ZNF546: variants seen among roughly 807,000 people sequenced by gnomAD.
ZNF546 encodes the protein zinc finger protein 546.
Under a neutral mutation model 76.2 loss-of-function variants are expected in ZNF546, and 60 were observed. The observed-to-expected ratio is 0.79, with a 90% CI of 0.64 to 0.98. ZNF546 has a LOEUF of 0.98. Ranked by LOEUF, ZNF546 falls within the 50% of genes least tolerant of loss-of-function variation. The pLI is 0.00. For synonymous variants in ZNF546, 277 were observed against 328.1 expected, an observed-to-expected ratio of 0.84 and a Z score of 1.68; for missense variants, 936 against 1,035.6, an observed-to-expected ratio of 0.90 and a Z score of 1.32.
chr19:40,004,107 ATT>A lies in ZNF546; in HGVS notation c.85-1988_85-1987del, dbSNP rs1491135547. Among the ~76,000 whole-genome samples the A allele has an allele frequency of 2.8e-5, 4 of 140,936 alleles. No individual in the cohort carries two copies. The South Asian group carries it at 6.4e-4, about 22-fold the overall frequency. 92.5% of individuals were successfully genotyped at this position (140,936 alleles called of 152,430 possible). A position where few individuals can be genotyped will look rare whatever the true frequency, so the allele number is the denominator to read the frequency against. ...TAACTATATTAATATATAAATATAT[ATT>A]ATATATATAACTATATTAATATATA... On this transcript the variant is annotated intron_variant, in intron 3 of 6. Transcript: ENST00000347077.
chr19:40,014,284 T>C lies in ZNF546; in HGVS notation c.1014T>C (p.Phe338=). The C allele has an allele frequency of 6.2e-7, 1 of 1,614,106 alleles. No homozygotes were observed. The highest frequency in any genetic ancestry group is 8.5e-7 in the Non-Finnish European group (1 of 1,179,978). ...AATGTAAAGAATGTGGGAAGGCCTT[T>C]AGACTTCATTATCAACTAACTGAAC... The part of the protein sequence containing the change: ...PYECKECGKA[F]RLHYQLTEHQ... Residue 338 remains phenylalanine, a synonymous_variant, in exon 7 of 7, where the codon TTT becomes TTC. Transcript: ENST00000347077.
intron 3 of ZNF546, among the ~76,000 whole-genome samples, chr19:40,001,032 C>T (rs1365554520): frequency 6.6e-6 from 1 of 151,958 alleles, no homozygotes; most frequent in African/African-American, 2.4e-5. Context: ...ATTAGATTCT[C>T]ATAAGGAGCA....
At chr19:39,998,582 C>G in intron 3 of ZNF546, 172 bp downstream of exon 3, 1 of 567,520 alleles carries the variant, frequency 1.8e-6, no homozygotes. Flanking sequence ...TGATAATGGT[C>G]GCCTGCTTTT....
chr19:40,013,357 A>G (rs1013462655), intron 6 of ZNF546, among the ~76,000 whole-genome samples: 3 of 152,134 alleles, frequency 2.0e-5, no homozygotes, highest in Non-Finnish European at 4.4e-5. Context: ...TTCAGTGTCC[A>G]TAAGTCAAGT....
At position 40,020,628 on chromosome 19, in the gene ZNF546, T is replaced by G. The variant is rs1011999112; in HGVS notation, c.*4847T>G. 3.9e-5 allele frequency: 6 copies of G among 152,126 alleles called. No homozygotes were observed. The highest frequency in any genetic ancestry group is 1.4e-4 in the African/African-American group (6 of 41,440). The allele number at this position is 152,126 out of a possible 1,614,324, so 9.4% of individuals were successfully genotyped here. ...AAAGTGCTTATTATCAGGCTATCAA[T>G]CAAAAGATTTGAGTCTTTCAGTAAA... On this transcript the variant is annotated 3_prime_UTR_variant, in exon 7 of 7. Coordinates refer to ENST00000347077, the MANE Select transcript of ZNF546 (RefSeq NM_178544.5).
chr19:40,015,812 T>C lies in ZNF546; in HGVS notation c.*31T>C. 1 of 1,594,054 alleles carries C rather than the reference T, an allele frequency of 6.3e-7. No individual in the cohort carries two copies. Among genetic ancestry groups the C allele is most frequent in the East Asian group, 2.2e-5 (1 of 44,744 alleles). On this transcript the variant is annotated 3_prime_UTR_variant, in exon 7 of 7. Transcript: ENST00000347077. ...ATACGATGGCCTTTAGAAAATGCCC[T>C]TTAGCAGAGAATTTGTAATTTAAGA...
chr19:40,000,060 T>C (rs968581309), intron 3 of ZNF546, among the ~76,000 whole-genome samples: 3 of 152,216 alleles, frequency 2.0e-5, no homozygotes, highest in Admixed American at 6.5e-5. Flanking sequence ...CTTATAACTC[T>C]GTGCACATAG....
chr19:40,014,168 C>T lies in ZNF546; in HGVS notation c.898C>T (p.Pro300Ser). 2.5e-6 allele frequency: 4 copies of T among 1,613,752 alleles called. No homozygotes were observed. Among genetic ancestry groups the T allele is most frequent in the Admixed American group, 3.3e-5 (2 of 59,988 alleles). The change falls in exon 7 of 7, where the codon CCC becomes TCC. Residue 300 changes from proline to serine, a missense_variant. Transcript: ENST00000347077. ...TCAGAGAATACATTCTGGTGTGAAA[C>T]CCTACGAGTGTAAGGAATGTGGGAA... ...EHQRIHSGVKPYECKECGKAF... is the reference protein window; with the variant it reads ...EHQRIHSGVKSYECKECGKAF...
intron 1 of ZNF546, among the ~76,000 whole-genome samples, chr19:39,997,556 G>T (rs1055257051): frequency 6.6e-6 from 1 of 152,216 alleles, no homozygotes; most frequent in African/African-American, 2.4e-5. Flanking sequence ...TTGGCGATTG[G>T]ACTTTTGAAT....
In ZNF546 at chr19:40,008,477, C is replaced by A; in HGVS notation, c.306C>A (p.Thr102=). The part of the protein sequence containing the change: ...NYSNLVSLGY[T]IPKPDVITLL... Reference sequence around the variant, plus strand: ...TTCTTTTCTCATGAGCAGGATATACCATTCCTAAGCCAGATGTGATTACTT... The same window carrying A: ...TTCTTTTCTCATGAGCAGGATATACAATTCCTAAGCCAGATGTGATTACTT... Residue 102 remains threonine (T), a synonymous_variant, in exon 6 of 7, where the codon ACC becomes ACA. Transcript: ENST00000347077. 6.2e-7 allele frequency: 1 copy of A among 1,607,594 alleles called. No homozygotes were observed. Among genetic ancestry groups the A allele is most frequent in the South Asian group, 1.1e-5 (1 of 90,300 alleles).
At position 40,013,805 on chromosome 19, in the gene ZNF546, A is replaced by G; in HGVS notation, c.535A>G (p.Lys179Glu). The G allele has an allele frequency of 4.3e-6, 7 of 1,613,988 alleles. No individual in the cohort carries two copies. The highest frequency in any genetic ancestry group is 1.3e-5 in the African/African-American group (1 of 75,062). The change falls in exon 7 of 7, where the codon AAA becomes GAA. Residue 179 changes from lysine to glutamate, a missense_variant. Physicochemically the swap from Lys to Glu is moderately conservative, Grantham distance 56. Coordinates refer to ENST00000347077, the MANE Select transcript of ZNF546 (RefSeq NM_178544.5). ...DTIFRNGLQC[K>E]HEFERQERHQ... Reference sequence around the variant, plus strand: ...CATTTTCAGAAATGGTTTGCAGTGTAAACATGAATTTGAGAGACAAGAGAG... The same window carrying G: ...CATTTTCAGAAATGGTTTGCAGTGTGAACATGAATTTGAGAGACAAGAGAG...
At chr19:40,007,181 A>T in intron 4 of ZNF546, 93 bp from the exon 5 acceptor site, 2 of 986,170 alleles carry the variant, frequency 2.0e-6, no homozygotes, top group Middle Eastern at 2.5e-4. Flanking sequence ...GCCCCAGTTT[A>T]TTTGCTTACT....
At chr19:39,999,012 A>AT (rs1971492581) in intron 3 of ZNF546, among the ~76,000 whole-genome samples, 1 of 152,188 alleles carries the variant, frequency 6.6e-6, no homozygotes, top group Non-Finnish European at 1.5e-5. Flanking sequence ...ACCTCAGGTG[A>AT]TTCACTTGCC....
In ZNF546 at chr19:40,016,623, C is replaced by CT. The variant is rs1971772736; in HGVS notation, c.*843dup. On this transcript the variant is annotated 3_prime_UTR_variant, in exon 7 of 7. Transcript: ENST00000347077. Reference sequence around the variant, plus strand: ...ATTATGGTATTTAACTGAGTTAACTCTGTCAGATTGCTGCAAACATTTCTA... The same window carrying CT: ...ATTATGGTATTTAACTGAGTTAACTCTTGTCAGATTGCTGCAAACATTTCTA... The CT allele has an allele frequency of 2.0e-5, 3 of 152,172 alleles. No homozygotes were observed. The South Asian group carries it at 6.2e-4, about 31-fold the overall frequency. The allele number at this position is 152,172 out of a possible 1,614,324, so 9.4% of individuals were successfully genotyped here.
intron 1 of ZNF546, among the ~76,000 whole-genome samples, chr19:39,997,538 G>T (rs1376718494): frequency 1.3e-5 from 2 of 152,248 alleles, no homozygotes; most frequent in Non-Finnish European, 2.9e-5. Context: ...AGAAGGTACA[G>T]ACCTGGGTTG....
At chr19:40,007,192 A>G (rs2144643213) in intron 4 of ZNF546, 82 bp from the exon 5 acceptor site, 4 of 1,126,254 alleles carry the variant, frequency 3.6e-6, no homozygotes, top group Middle Eastern at 4.4e-4. Context: ...TTTGCTTACT[A>G]TGTTGCTTCT....
chr19:40,005,223 T>G (rs1488151948), intron 3 of ZNF546, among the ~76,000 whole-genome samples: 2 of 151,978 alleles, frequency 1.3e-5, no homozygotes, highest in Non-Finnish European at 2.9e-5. Flanking sequence ...TTTCACCATG[T>G]TGGCCAGGCT....
chr19:40,015,273 C>T lies in ZNF546; in HGVS notation c.2003C>T (p.Thr668Met), dbSNP rs372801134. The change falls in exon 7 of 7, where the codon ACG becomes ATG. Residue 668 changes from threonine to methionine, a missense_variant. Thr to Met is a moderately conservative substitution (Grantham distance 81). Coordinates refer to ENST00000347077, the MANE Select transcript of ZNF546 (RefSeq NM_178544.5). ...ACTGGTGAGAAACCCTACGAATGTACGGAATGTGGGAAGACGTTTAGTCGG... is the reference window on the plus strand; with the variant it reads ...ACTGGTGAGAAACCCTACGAATGTATGGAATGTGGGAAGACGTTTAGTCGG... ...IHTGEKPYEC[T>M]ECGKTFSRHY... is the part of the protein sequence containing the mutation. 117 of 1,609,518 alleles carry T rather than the reference C, an allele frequency of 7.3e-5. No individual in the cohort carries two copies. Among genetic ancestry groups the T allele is most frequent in the African/African-American group, 3.3e-4 (24 of 73,528 alleles).
At chr19:40,007,241 A>C in intron 4 of ZNF546, 33 bp from the exon 5 acceptor site, 1 of 1,447,676 alleles carries the variant, frequency 6.9e-7, no homozygotes, top group Non-Finnish European at 9.2e-7. Context: ...AATACATTTA[A>C]TTTTTTTTTA....
Sources: gnomAD v4.1 joint callset for allele counts (sites outside exome capture counted in the v4.1 genomes callset) on GRCh38, gnomAD v4.1.1 for gene constraint, MANE v1.5 for transcripts, NCBI Gene and HGNC (gene_info 2026-07-23, HGNC 2026-07-21) for gene names.